The following SAE1 variants were observed in gnomAD, a reference collection of about 807,000 sequenced individuals.
SAE1 encodes the protein SUMO-activating enzyme subunit 1.
A neutral mutation model predicts 40.6 loss-of-function variants in SAE1; 11 were observed. The ratio of observed to expected loss-of-function variants is 0.27; its 90% CI spans 0.17 to 0.45. The LOEUF (loss-of-function observed/expected upper bound fraction) is 0.45. Among genes scored for constraint, SAE1 ranks in the 20% least tolerant of loss-of-function variants. The probability of loss-of-function intolerance (pLI) is 1.00; values close to 1 mark genes in which losing one functional copy is unlikely to be tolerated. For missense variants in SAE1, 373 were observed against 427.3 expected (o/e 0.87, Z 1.12); for synonymous variants, 155 against 154.3 (o/e 1.00, Z -0.03).
chr19:47,163,912 G>GACACCC (rs2123237632), intron 5 of SAE1, among the ~76,000 whole-genome samples: 1 of 151,800 alleles, frequency 6.6e-6, no homozygotes, highest in East Asian at 2.0e-4. Flanking sequence ...TGGGATTACA[G>GACACCC]GCTTGTGCTA....
chr19:47,188,412 G>A (rs143438077), intron 6 of SAE1, among the ~76,000 whole-genome samples: 4 of 152,098 alleles, frequency 2.6e-5, no homozygotes, highest in African/African-American at 9.7e-5. Context: ...AAAAAACTGT[G>A]CTGGGAGTGA....
At chr19:47,152,848 G>C (rs936934726) in intron 3 of SAE1, 50 bp from the exon 4 acceptor site, 4 of 1,581,444 alleles carry the variant, frequency 2.5e-6, no homozygotes, top group Non-Finnish European at 3.5e-6. Context: ...TCAGGGCAGT[G>C]ATTCACAGTT....
chr19:47,155,046 G>A, intron 4 of SAE1, 68 bp from the exon 5 acceptor site: 2 of 999,746 alleles, frequency 2.0e-6, no homozygotes, highest in South Asian at 1.3e-5. Flanking sequence ...ACCTGGAGAG[G>A]CTTTTTTTGA....
At chr19:47,170,503 CTTTT>C (rs34836827) in intron 6 of SAE1, among the ~76,000 whole-genome samples, 1 of 83,910 alleles carries the variant, frequency 1.2e-5, no homozygotes, top group Admixed American at 1.6e-4. Context: ...CGCCCCCCGC[CTTTT>C]TTTTTTTTTT....
chr19:47,138,762 C>T (rs1248691620), intron 1 of SAE1, among the ~76,000 whole-genome samples: 3 of 152,112 alleles, frequency 2.0e-5, no homozygotes, highest in Non-Finnish European at 4.4e-5. Context: ...GTTGGAGGAT[C>T]ACTTGAGCCA....
Position 47,196,149 on chromosome 19 carries a change from G to A in SAE1, c.734-1084G>A, listed in dbSNP as rs576390608. ...CAACCTCTGCCTCCTGGGTTCAAGC[G>A]ATTCTCCTGCCTCAGCCTTCCGAGT... On this transcript the variant is annotated intron_variant, in intron 6 of 8. Transcript: ENST00000270225. Among the ~76,000 whole-genome samples, 10 of 150,060 alleles carry A rather than the reference G, an allele frequency of 6.7e-5. No homozygotes were observed. The East Asian group carries it at 1.8e-3, about 27-fold the overall frequency.
At chr19:47,192,053 C>CAA (rs546857201) in intron 6 of SAE1, among the ~76,000 whole-genome samples, 8 of 104,196 alleles carry the variant, frequency 7.7e-5, no homozygotes, top group African/African-American at 2.5e-4. Context: ...GACTCTGTCT[C>CAA]AAAAAAAAAA....
At chr19:47,133,264 C>T (rs1212874077) in intron 1 of SAE1, among the ~76,000 whole-genome samples, 1 of 152,186 alleles carries the variant, frequency 6.6e-6, no homozygotes, top group Non-Finnish European at 1.5e-5. Flanking sequence ...GTGGCCCAGG[C>T]TGGAGTGCAA....
At chr19:47,141,188 G>A (rs2058219580) in intron 1 of SAE1, among the ~76,000 whole-genome samples, 1 of 152,144 alleles carries the variant, frequency 6.6e-6, no homozygotes, top group South Asian at 2.1e-4. Context: ...TTTCTGTAGA[G>A]ACACGGTTTT....
rs546027679 is a variant in SAE1, at chr19:47,137,309, A to C, written c.99-6185A>C. Reference sequence around the variant, plus strand: ...AGGCTGAGGCAGGAGAATTGTTTGAATCCAGGAGGCAGAGGTTTTAGTGAG... The same window carrying C: ...AGGCTGAGGCAGGAGAATTGTTTGACTCCAGGAGGCAGAGGTTTTAGTGAG... On this transcript the variant is annotated intron_variant, in intron 1 of 8. Coordinates refer to ENST00000270225, the MANE Select transcript of SAE1 (RefSeq NM_005500.3). Among the ~76,000 whole-genome samples the C allele has an allele frequency of 6.6e-5, 10 of 152,216 alleles. No homozygotes were observed. The South Asian group carries it at 2.1e-3, about 32-fold the overall frequency.
intron 1 of SAE1, among the ~76,000 whole-genome samples, chr19:47,142,869 CTTGA>C (rs2058230489): frequency 6.6e-6 from 1 of 152,182 alleles, no homozygotes; most frequent in Non-Finnish European, 1.5e-5. Flanking sequence ...TCTTGTCACA[CTTGA>C]TTTTCATCAC....
intron 6 of SAE1, among the ~76,000 whole-genome samples, chr19:47,181,988 A>G (rs770030735): frequency 6.6e-6 from 1 of 150,998 alleles, no homozygotes; most frequent in African/African-American, 2.4e-5. Context: ...GCCTCACTCC[A>G]TGGCCTAGGC....
chr19:47,157,515 C>T (rs2058331701), intron 5 of SAE1, among the ~76,000 whole-genome samples: 1 of 152,164 alleles, frequency 6.6e-6, no homozygotes, highest in Admixed American at 6.5e-5. Flanking sequence ...GGAGAGAGTG[C>T]CTAGCTTTGT....
rs1303726249 is a variant in SAE1 at position 47,130,896 on chromosome 19, G to GCGGGAC, written c.-31_-26dup. 6.5e-7 allele frequency: 1 copy of GCGGGAC among 1,547,914 alleles called. No individual in the cohort carries two copies. Among genetic ancestry groups the GCGGGAC allele is most frequent in the African/African-American group, 1.4e-5 (1 of 72,874 alleles). ...CGGGTCCGGCGGGCGGTTGGCTTGA[G>GCGGGAC]CGGGACCGGAGCTGAGGCAGGAAGA... On this transcript the variant is annotated 5_prime_UTR_variant, in exon 1 of 9. Transcript: ENST00000270225.
intron 6 of SAE1, among the ~76,000 whole-genome samples, chr19:47,190,279 A>C (rs534685644): frequency 2.0e-5 from 3 of 152,200 alleles, no homozygotes; most frequent in Non-Finnish European, 4.4e-5. Context: ...GTTTGATCTT[A>C]ACGGAACAGT....
At chr19:47,140,691 A>C (rs963638872) in intron 1 of SAE1, among the ~76,000 whole-genome samples, 5 of 151,392 alleles carry the variant, frequency 3.3e-5, no homozygotes, top group Admixed American at 3.3e-4. Context: ...AGGACTCAAT[A>C]GGCCGAGGTG....
intron 1 of SAE1, among the ~76,000 whole-genome samples, chr19:47,131,933 T>G (rs2123167596): frequency 6.6e-6 from 1 of 151,878 alleles, no homozygotes; most frequent in South Asian, 2.1e-4. Context: ...TCTCCTTACC[T>G]CAAGTGATCC....
intron 5 of SAE1, among the ~76,000 whole-genome samples, chr19:47,157,366 G>A (rs1442972521): frequency 6.6e-6 from 1 of 152,192 alleles, no homozygotes; most frequent in Non-Finnish European, 1.5e-5. Context: ...TTAACAAACG[G>A]AGGAGTACAA....
chr19:47,191,988 A>C (rs1279479473), intron 6 of SAE1, among the ~76,000 whole-genome samples: 1 of 151,016 alleles, frequency 6.6e-6, no homozygotes, highest in Non-Finnish European at 1.5e-5. Flanking sequence ...CGGGAGGCGG[A>C]GCTTGCAGTG....
Sources: gnomAD v4.1 joint callset for allele counts (sites outside exome capture counted in the v4.1 genomes callset) on GRCh38, gnomAD v4.1.1 for gene constraint, MANE v1.5 for transcripts, NCBI Gene and HGNC (gene_info 2026-07-23, HGNC 2026-07-21) for gene names.